The following ZSCAN5A variants were observed in gnomAD, a reference collection of about 807,000 sequenced individuals.
ZSCAN5A encodes zinc finger and SCAN domain containing 5A.
In ZSCAN5A, 12 loss-of-function variants were observed where a neutral mutation model predicts 23.7. The observed-to-expected ratio is 0.51, with a 90% CI of 0.32 to 0.82. The LOEUF is 0.82. ZSCAN5A is among the 40% of genes least tolerant of loss of function. ZSCAN5A has a pLI of 0.03. For synonymous variants in ZSCAN5A, 257 were observed against 239.9 expected (o/e 1.07, Z -0.66); for missense variants, 597 against 617.9 (o/e 0.97, Z 0.36).
At chr19:56,323,809 T>A (rs1333611723) in intron 2 of ZSCAN5A, among the ~76,000 whole-genome samples, 1 of 152,144 alleles carries the variant, frequency 6.6e-6, no homozygotes, top group Non-Finnish European at 1.5e-5. Context: ...GTGCTGGGAT[T>A]ACAGTCATGA....
rs775624527 is a variant in ZSCAN5A, at chr19:56,351,105, G to T, written c.-358+12130C>A. Among the ~76,000 whole-genome samples the T allele has an allele frequency of 1.3e-5, 2 of 152,078 alleles. No homozygotes were observed. Among genetic ancestry groups the T allele is most frequent in the Non-Finnish European group, 2.9e-5 (2 of 68,022 alleles). On this transcript the variant is annotated intron_variant, in intron 2 of 6. Transcript: ENST00000587340. This position sits in a 1 kb window ranked among gnomAD's most constrained non-coding sequence, Gnocchi z 4.8. ...TCTTTGAGGGGGGGATATTACAGGA[G>T]TTATTAAGAAATCATTTTAGGCATA...
At chr19:56,237,299 G>C (rs368533760) in intron 2 of ZSCAN5A, among the ~76,000 whole-genome samples, 1 of 152,190 alleles carries the variant, frequency 6.6e-6, no homozygotes. Context: ...TCTCCTTTGC[G>C]GCGGTGCTTT....
chr19:56,319,775 C>T (rs2041355933), upstream of ZSCAN5A: 7 of 766,304 alleles, frequency 9.1e-6, no homozygotes, highest in Non-Finnish European at 1.5e-5. Context: ...ATCCTAAGCC[C>T]GGTCCCTCCT....
chr19:56,222,284 AT>A lies in ZSCAN5A; in HGVS notation c.781del (p.Ile261Ter), dbSNP rs2033321310. On this transcript the variant is annotated frameshift_variant, in exon 6 of 6. Coordinates refer to ENST00000683990, the MANE Select transcript of ZSCAN5A (RefSeq NM_001322064.3). LOFTEE classifies it low-confidence loss of function (END_TRUNC). ...AGCATCCACATTTTCCACAGAGGCT[AT>A]TTTTGGGGGGTCCTTCCCCTCCTTT... ...RAKEGKDPPK[I>X]ASVENVDADT... 6.2e-7 allele frequency: 1 copy of A among 1,613,136 alleles called. No individual in the cohort carries two copies. Among genetic ancestry groups the A allele is most frequent in the Admixed American group, 1.7e-5 (1 of 59,996 alleles).
chr19:56,241,435 T>C (rs2035418732), intron 2 of ZSCAN5A, among the ~76,000 whole-genome samples: 1 of 152,204 alleles, frequency 6.6e-6, no homozygotes, highest in Non-Finnish European at 1.5e-5. Context: ...TGTATGCTTT[T>C]TTCAAAAAAA....
chr19:56,248,983 T>C (rs1443496643), intron 2 of ZSCAN5A, among the ~76,000 whole-genome samples: 1 of 152,106 alleles, frequency 6.6e-6, no homozygotes, highest in Non-Finnish European at 1.5e-5. Context: ...TATCCACCAC[T>C]GGAGTATCAT....
chr19:56,234,809 C>T (rs995012014), intron 2 of ZSCAN5A, among the ~76,000 whole-genome samples: 3 of 152,162 alleles, frequency 2.0e-5, no homozygotes, highest in Non-Finnish European at 4.4e-5. Flanking sequence ...ATTGCTCACT[C>T]GTGGAGCTCG....
chr19:56,301,492 G>A (rs988548515), intron 2 of ZSCAN5A, among the ~76,000 whole-genome samples: 3 of 152,128 alleles, frequency 2.0e-5, no homozygotes, highest in African/African-American at 4.8e-5. Flanking sequence ...TCTTGGTTTC[G>A]GTGGGTTTTG....
intron 2 of ZSCAN5A, among the ~76,000 whole-genome samples, chr19:56,329,601 G>A (rs1476554661): frequency 6.6e-6 from 1 of 151,508 alleles, no homozygotes; most frequent in Non-Finnish European, 1.5e-5. Context: ...AATAATAATT[G>A]GAGTAGAAAT....
chr19:56,346,167 G>C (rs1421216264), intron 2 of ZSCAN5A, among the ~76,000 whole-genome samples: 1 of 150,268 alleles, frequency 6.7e-6, no homozygotes, highest in Admixed American at 6.6e-5. Context: ...AAAAAAGGTA[G>C]AGTTGATAAA....
chr19:56,243,932 T>G, intron 2 of ZSCAN5A: 2 of 558,124 alleles, frequency 3.6e-6, no homozygotes, highest in Admixed American at 3.1e-5. Context: ...TTCTGAACAG[T>G]GAATCTATTA....
chr19:56,244,034 C>A (rs941351562), intron 2 of ZSCAN5A: 9 of 852,524 alleles, frequency 1.1e-5, no homozygotes, highest in Non-Finnish European at 1.7e-5. Context: ...GAAATATTCT[C>A]CACCAGATAT....
exon 1 of ZSCAN5A, chr19:56,368,215 TC>T (rs1392936496): frequency 3.3e-5 from 5 of 152,506 alleles, no homozygotes; most frequent in Admixed American, 3.3e-4. Flanking sequence ...GTACTTTGTG[TC>T]CCAGGTAGCT....
chr19:56,228,202 C>T, intron 2 of ZSCAN5A: 1 of 985,172 alleles, frequency 1.0e-6, no homozygotes, highest in Non-Finnish European at 1.2e-6. Flanking sequence ...GAAACCAACC[C>T]CCGACATGCC....
At chr19:56,350,101 C>T (rs2041658420) in intron 2 of ZSCAN5A, among the ~76,000 whole-genome samples, 1 of 152,182 alleles carries the variant, frequency 6.6e-6, no homozygotes, top group Non-Finnish European at 1.5e-5. Context: ...ATTCTAATTG[C>T]TGTAATATTT....
intron 2 of ZSCAN5A, among the ~76,000 whole-genome samples, chr19:56,308,113 A>G (rs2040814844): frequency 6.6e-6 from 1 of 152,226 alleles, no homozygotes; most frequent in Admixed American, 6.5e-5. Flanking sequence ...GGCTCACTGC[A>G]ACCTCCGCCT....
intron 2 of ZSCAN5A, among the ~76,000 whole-genome samples, chr19:56,324,630 G>C (rs1312130339): frequency 1.4e-5 from 2 of 137,968 alleles, no homozygotes; most frequent in East Asian, 4.2e-4. Flanking sequence ...TCCCACTGCT[G>C]TGTACATGTT....
At chr19:56,339,950 T>A (rs1472149727) in intron 2 of ZSCAN5A, among the ~76,000 whole-genome samples, 2 of 152,230 alleles carry the variant, frequency 1.3e-5, no homozygotes, top group African/African-American at 4.8e-5. Flanking sequence ...ACTCAACACC[T>A]GCCCACACTG....
At chr19:56,244,094 C>A in intron 2 of ZSCAN5A, 1 of 1,411,552 alleles carries the variant, frequency 7.1e-7, no homozygotes, top group Non-Finnish European at 9.9e-7. Flanking sequence ...CTGCAACAGC[C>A]CTGAGTCAGA....
Sources: allele counts gnomAD v4.1 joint callset (sites outside exome capture counted in the v4.1 genomes callset), GRCh38; gene constraint gnomAD v4.1.1; non-coding constraint Gnocchi (gnomAD v3.1); transcripts MANE v1.5; gene names NCBI Gene and HGNC (gene_info 2026-07-23, HGNC 2026-07-21).